Variants in TLE6 observed in about 807,000 individuals in gnomAD.
TLE6 encodes the protein transducin-like enhancer protein 6.
TLE6 carries 72 observed loss-of-function variants against 77.1 expected under a neutral mutation model. That is an observed-to-expected ratio of 0.93 (90% CI 0.77 to 1.14). TLE6 has a LOEUF of 1.14. TLE6 is among the 50% of genes most tolerant of loss of function. The pLI is 0.00. For missense variants in TLE6, 843 were observed against 747.6 expected (o/e 1.13, Z -1.49); for synonymous variants, 366 against 287.3 (o/e 1.27, Z -2.77).
Position 2,981,581 on chromosome 19 carries a change from T to G in TLE6, c.178T>G (p.Ser60Ala). The change falls in exon 4 of 17, where the codon TCG becomes GCG. Residue 60 changes from serine to alanine, a missense_variant and splice_region_variant. Transcript: ENST00000246112. ...TGCGGAGTTGGAGAGCATTTACTACTCGGTGAGCCAGACCCAGGCAGCCCC... is the reference window on the plus strand; with the variant it reads ...TGCGGAGTTGGAGAGCATTTACTACGCGGTGAGCCAGACCCAGGCAGCCCC... ...FAAELESIYY[S>A]LHKIQQDVAE... 1 of 1,551,484 alleles carries G rather than the reference T, an allele frequency of 6.4e-7. No homozygotes were observed. The highest frequency in any genetic ancestry group is 8.7e-7 in the Non-Finnish European group (1 of 1,146,942).
intron 16 of TLE6, 134 bp downstream of exon 16, chr19:2,994,229 A>G: frequency 1.4e-6 from 1 of 697,104 alleles, no homozygotes; most frequent in Non-Finnish European, 2.4e-6. Flanking sequence ...TAATCCCAGC[A>G]TTTTGGGAGG....
intron 11 of TLE6, 107 bp from the exon 12 acceptor site, chr19:2,988,954 G>A: frequency 6.6e-7 from 1 of 1,510,012 alleles, no homozygotes; most frequent in African/African-American, 1.4e-5. Flanking sequence ...CCTGAGAGAG[G>A]GACCCCAAAA....
chr19:2,991,379 T>TACAC (rs1270324164), intron 13 of TLE6, among the ~76,000 whole-genome samples: 3 of 87,074 alleles, frequency 3.4e-5, no homozygotes, highest in African/African-American at 1.9e-4. Flanking sequence ...AAAATACGTA[T>TACAC]ATATATATAT....
chr19:2,988,942 G>C, intron 11 of TLE6, 119 bp from the exon 12 acceptor site: 4 of 1,438,686 alleles, frequency 2.8e-6, no homozygotes, highest in Non-Finnish European at 3.8e-6. Flanking sequence ...GGTAAAACAA[G>C]GCCTGAGAGA....
In TLE6 at chr19:2,994,027, T is replaced by G. The variant is rs778192582; in HGVS notation, c.1546T>G (p.Trp516Gly). ...TGCTCCATTTCTCCCAGGCCAGTGG[T>G]GGGCAAGCGTTGGAATGGACGACTT... Reference protein sequence around the residue: ...SVKFSPFGQWWASVGMDDFLG... With the variant: ...SVKFSPFGQWGASVGMDDFLG... Residue 516 changes from tryptophan (W) to glycine (G), a missense_variant, in exon 16 of 17, where the codon TGG becomes GGG. Transcript: ENST00000246112. 1.2e-6 allele frequency: 2 copies of G among 1,603,452 alleles called. No individual in the cohort carries two copies. Among genetic ancestry groups the G allele is most frequent in the Admixed American group, 1.7e-5 (1 of 58,126 alleles).
At chr19:2,988,819 G>C in intron 11 of TLE6, 1 of 597,228 alleles carries the variant, frequency 1.7e-6, no homozygotes, top group South Asian at 2.1e-5. Context: ...ATGAATAGGA[G>C]TTCTTCCTCC....
chr19:2,992,002 G>A lies in TLE6; in HGVS notation c.1386+18G>A, dbSNP rs773096171. On this transcript the variant is annotated intron_variant, in intron 14 of 16. Coordinates refer to ENST00000246112, the MANE Select transcript of TLE6 (RefSeq NM_001143986.2). ...AGTCTCAGGTGCGGAGGCCGGGATG[G>A]GGTCTGCTTGGCCAGGCATCCTCTG... 6.2e-7 allele frequency: 1 copy of A among 1,611,074 alleles called. No homozygotes were observed. Among genetic ancestry groups the A allele is most frequent in the South Asian group, 1.1e-5 (1 of 90,984 alleles).
intron 2 of TLE6, 84 bp downstream of exon 2, chr19:2,978,368 G>C (rs1217877389): frequency 1.4e-6 from 2 of 1,407,422 alleles, no homozygotes; most frequent in Non-Finnish European, 2.0e-6. Context: ...TGTGACCTGG[G>C]CTGGCCCCGC....
Position 2,993,531 on chromosome 19 carries a change from A to G in TLE6, c.1486A>G (p.Met496Val), listed in dbSNP as rs949267141. The change falls in exon 15 of 17, where the codon ATG becomes GTG. Residue 496 changes from methionine to valine, a missense_variant. Coordinates refer to ENST00000246112, the MANE Select transcript of TLE6 (RefSeq NM_001143986.2). The part of the protein sequence containing the change: ...LQSTSGSQRH[M>V]VGQKDSVILS... ...AAGCACCAGCGGGAGCCAGCGGCAC[A>G]TGGTGGGGCAAAAAGACAGCGTCAT... 6.3e-7 allele frequency: 1 copy of G among 1,590,936 alleles called. No homozygotes were observed. The highest frequency in any genetic ancestry group is 2.3e-5 in the East Asian group (1 of 43,962).
intron 5 of TLE6, among the ~76,000 whole-genome samples, chr19:2,984,930 GA>G (rs1022219980): frequency 2.6e-5 from 4 of 152,060 alleles, no homozygotes; most frequent in South Asian, 2.1e-4. Context: ...CAGATGGCTT[GA>G]TTTTTGTTGT....
At chr19:2,991,731 T>G in intron 13 of TLE6, 112 bp from the exon 14 acceptor site, 1 of 1,029,522 alleles carries the variant, frequency 9.7e-7, no homozygotes, top group Non-Finnish European at 1.4e-6. Context: ...CAGGCAGAGA[T>G]TTTTGGGTGG....
chr19:2,995,025 C>G lies in TLE6; in HGVS notation c.*21C>G. ...ACTGAGGGGCCTCGCTGCTGTCATC[C>G]CACTCCGGCTCCTCTTTTCATCCCC... On this transcript the variant is annotated 3_prime_UTR_variant, in exon 17 of 17. Coordinates refer to ENST00000246112, the MANE Select transcript of TLE6 (RefSeq NM_001143986.2). 6.7e-7 allele frequency: 1 copy of G among 1,485,692 alleles called. No individual in the cohort carries two copies. Among genetic ancestry groups the G allele is most frequent in the Non-Finnish European group, 9.2e-7 (1 of 1,087,450 alleles). 92.0% of individuals were successfully genotyped at this position (1,485,692 alleles called of 1,614,324 possible).
In TLE6 at chr19:2,989,990, G is replaced by A. The variant is rs151056035; in HGVS notation, c.1244+205G>A. On this transcript the variant is annotated intron_variant, in intron 13 of 16. Transcript: ENST00000246112. ...CGGACTTGAATCTTGGCTGGACTGC[G>A]TTCCTTGCAGCCCAGGGCATTTTAC... Among the ~76,000 whole-genome samples the A allele has an allele frequency of 3.7e-3, 562 of 152,242 alleles. 3 individuals carry two copies. Among genetic ancestry groups the A allele is most frequent in the Middle Eastern group, 0.014 (4 of 294 alleles).
intron 11 of TLE6, 79 bp from the exon 12 acceptor site, chr19:2,988,982 T>C (rs2088978207): frequency 6.3e-7 from 1 of 1,579,578 alleles, no homozygotes; most frequent in Admixed American, 1.7e-5. Context: ...AAGAAGCCCC[T>C]CTAGGCCTTG....
rs200812758 is a variant in TLE6, at chr19:2,994,062, C to G, written c.1581C>G (p.Val527=). 67 of 1,608,558 alleles carry G rather than the reference C, an allele frequency of 4.2e-5. 1 individual carries two copies. In the East Asian group the frequency reaches 1.5e-3, roughly 35 times the overall value. Residue 527 remains valine, a synonymous_variant, in exon 16 of 17, where the codon GTC becomes GTG. Transcript: ENST00000246112. ...ASVGMDDFLG[V]YSMPAGTKVF... ...TTGGAATGGACGACTTCCTTGGCGTCTACAGCATGCCGGCGGGGACAAAAG... is the reference window on the plus strand; with the variant it reads ...TTGGAATGGACGACTTCCTTGGCGTGTACAGCATGCCGGCGGGGACAAAAG...
At chr19:2,978,060 A>G (rs1264226895) in intron 1 of TLE6, 138 bp from the exon 2 acceptor site, 3 of 625,030 alleles carry the variant, frequency 4.8e-6, no homozygotes, top group South Asian at 3.8e-5. Context: ...GACCTAGGGA[A>G]CGCATGGGAG....
chr19:2,993,399 C>G lies in TLE6; in HGVS notation c.1387-33C>G, dbSNP rs113073965. ...TTCCTGGGCCAGGCTGGGACCTAAC[C>G]AGGTTCCTCCCTCCCCACTGCCCAT... On this transcript the variant is annotated intron_variant, in intron 14 of 16. Coordinates refer to ENST00000246112, the MANE Select transcript of TLE6 (RefSeq NM_001143986.2). 3.4e-5 allele frequency: 54 copies of G among 1,574,894 alleles called. 2 individuals carry two copies. In the African/African-American group the frequency reaches 4.5e-4, roughly 13 times the overall value.
chr19:2,988,406 G>T (rs967043981), intron 11 of TLE6, among the ~76,000 whole-genome samples: 1 of 152,166 alleles, frequency 6.6e-6, no homozygotes, highest in African/African-American at 2.4e-5. Flanking sequence ...AACATCCTGG[G>T]TAACACGGTG....
Position 2,982,209 on chromosome 19 carries a change from G to T in TLE6, c.222+20G>T. ...AAGCAGGTGGGTGACCAGGAGCTCA[G>T]GGGTGCGGCTGTCCCTCCATGAAAG... On this transcript the variant is annotated intron_variant, in intron 5 of 16. Coordinates refer to ENST00000246112, the MANE Select transcript of TLE6 (RefSeq NM_001143986.2). 2.6e-6 allele frequency: 4 copies of T among 1,551,114 alleles called. No homozygotes were observed. In the East Asian group the frequency reaches 9.8e-5, roughly 38 times the overall value.
Sources: gnomAD v4.1 joint callset for allele counts (sites outside exome capture counted in the v4.1 genomes callset) on GRCh38, gnomAD v4.1.1 for gene constraint, MANE v1.5 for transcripts, NCBI Gene and HGNC (gene_info 2026-07-23, HGNC 2026-07-21) for gene names.